IL1RAPL2: variants seen among roughly 807,000 people sequenced by gnomAD.
IL1RAPL2 encodes the protein interleukin 1 receptor accessory protein like 2, also known as X-linked interleukin-1 receptor accessory protein-like 2.
In IL1RAPL2, 3 loss-of-function variants were observed where a neutral mutation model predicts 44.1. The ratio of observed to expected loss-of-function variants is 0.07; its 90% CI spans 0.03 to 0.18. The LOEUF (loss-of-function observed/expected upper bound fraction) is 0.18. Ranked by LOEUF, IL1RAPL2 falls within the 10% of genes least tolerant of loss-of-function variation. IL1RAPL2 has a pLI of 1.00. For missense variants in IL1RAPL2, 391 were observed against 496.4 expected (o/e 0.79, Z 2.02); for synonymous variants, 181 against 178.8 (o/e 1.01, Z -0.10).
At chrX:105,435,977 AGCAAACCACCGTG>A (rs1394847778) in intron 5 of IL1RAPL2, among the ~76,000 whole-genome samples, 4 of 111,096 alleles carry the variant, frequency 3.6e-5, no homozygotes, top group African/African-American at 1.3e-4. Context: ...TGATAGGTGC[AGCAAACCACCGTG>A]GCACATGTAT....
intron 2 of IL1RAPL2, among the ~76,000 whole-genome samples, chrX:105,129,802 A>G (rs2033010183): frequency 1.8e-5 from 2 of 110,607 alleles, no homozygotes; most frequent in African/African-American, 3.3e-5. Flanking sequence ...AGCCCAGTTC[A>G]TTAAAGCTTG....
At position 104,656,797 on chromosome X, in the gene IL1RAPL2, T is replaced by G. The variant is rs890475945; in HGVS notation, c.-19-2098T>G. On this transcript the variant is annotated intron_variant, in intron 1 of 10. Coordinates refer to ENST00000372582, the MANE Select transcript of IL1RAPL2 (RefSeq NM_017416.2). The stretch of plus-strand genomic sequence containing the variant: ...GGGTGTTAAAGTCTCCCATTATTAT[T>G]GCATGGCAGTCTACGTCTCTTTGTA... Among the ~76,000 whole-genome samples the G allele has an allele frequency of 2.7e-5, 3 of 111,672 alleles. No homozygotes were observed. The Admixed American group carries it at 2.9e-4, about 11-fold the overall frequency.
chrX:105,046,086 A>T (rs2031833417), intron 2 of IL1RAPL2, among the ~76,000 whole-genome samples: 1 of 111,233 alleles, frequency 9.0e-6, no homozygotes, highest in Non-Finnish European at 1.9e-5. Context: ...ATCCTCATAG[A>T]CTTCCTAGTA....
intron 2 of IL1RAPL2, among the ~76,000 whole-genome samples, chrX:104,749,760 T>C (rs190988414): frequency 1.2e-4 from 13 of 111,954 alleles, no homozygotes; most frequent in African/African-American, 4.2e-4. Context: ...AAGTAGTTCC[T>C]GCCTTTGATG....
At chrX:105,573,707 A>G (rs2037031196) in intron 6 of IL1RAPL2, among the ~76,000 whole-genome samples, 1 of 110,995 alleles carries the variant, frequency 9.0e-6, no homozygotes, top group South Asian at 3.8e-4. Context: ...GGGAAATAAG[A>G]TTGGTTCAGT....
intron 2 of IL1RAPL2, among the ~76,000 whole-genome samples, chrX:104,949,926 C>G (rs368276836): frequency 9.0e-6 from 1 of 111,057 alleles, no homozygotes; most frequent in Non-Finnish European, 1.9e-5. Flanking sequence ...CTGTAGATGT[C>G]TATTAGGTCT....
intron 2 of IL1RAPL2, among the ~76,000 whole-genome samples, chrX:104,780,199 G>GAA (rs754588624): frequency 7.4e-4 from 83 of 111,462 alleles, no homozygotes; most frequent in African/African-American, 2.6e-3. Flanking sequence ...CAAATCCTAA[G>GAA]AAAAACAGTA....
chrX:105,250,824 A>G (rs2034263054), intron 4 of IL1RAPL2, among the ~76,000 whole-genome samples: 1 of 111,191 alleles, frequency 9.0e-6, no homozygotes, highest in Non-Finnish European at 1.9e-5. Context: ...ATGAGTTGCT[A>G]TCATTTACTA....
chrX:105,547,898 C>G (rs1307033631), intron 6 of IL1RAPL2, among the ~76,000 whole-genome samples: 1 of 112,383 alleles, frequency 8.9e-6, no homozygotes, highest in Non-Finnish European at 1.9e-5. Flanking sequence ...ACAATGCATG[C>G]AAGGATAGGG....
rs1267727749 is a variant in IL1RAPL2 at position 105,040,278 on chromosome X, A to T, written c.83-155197A>T. 5.4e-5 allele frequency among the ~76,000 whole-genome samples: 6 copies of T among 111,272 alleles called. No homozygotes were observed. The East Asian group carries it at 1.4e-3, about 26-fold the overall frequency. On this transcript the variant is annotated intron_variant, in intron 2 of 10. Coordinates refer to ENST00000372582, the MANE Select transcript of IL1RAPL2 (RefSeq NM_017416.2). The stretch of plus-strand genomic sequence containing the variant: ...CTTTTTGATGTGCTGCTGGATTCGG[A>T]TTGCCAGTATTTTACTGAGGATTTT...
At chrX:104,899,956 C>T (rs1238346343) in intron 2 of IL1RAPL2, among the ~76,000 whole-genome samples, 1 of 112,265 alleles carries the variant, frequency 8.9e-6, no homozygotes, top group African/African-American at 3.2e-5. Context: ...TGTGAGAAAG[C>T]CCACCTGAAA....
intron 2 of IL1RAPL2, among the ~76,000 whole-genome samples, chrX:104,854,650 G>T (rs935010783): frequency 5.6e-5 from 6 of 107,660 alleles, no homozygotes; most frequent in South Asian, 4.0e-4. Context: ...ACAAGAGAAA[G>T]AATTTTTTTT....
At chrX:105,259,031 T>C (rs766813245) in intron 4 of IL1RAPL2, among the ~76,000 whole-genome samples, 1 of 111,968 alleles carries the variant, frequency 8.9e-6, no homozygotes, top group African/African-American at 3.2e-5. Flanking sequence ...AGTTCTTGCG[T>C]TGGTTCTTTC....
intron 6 of IL1RAPL2, among the ~76,000 whole-genome samples, chrX:105,521,592 G>A (rs751664567): frequency 2.2e-4 from 24 of 110,700 alleles, no homozygotes; most frequent in African/African-American, 7.7e-4. Context: ...ATGTTTCATG[G>A]GAGGGACCTG....
At chrX:105,229,065 G>C (rs781849188) in intron 3 of IL1RAPL2, among the ~76,000 whole-genome samples, 2 of 111,864 alleles carry the variant, frequency 1.8e-5, no homozygotes, top group South Asian at 7.6e-4. Flanking sequence ...ATGTGAAGTA[G>C]GGAGAGAAAA....
chrX:105,545,770 G>A (rs1022907009), intron 6 of IL1RAPL2, among the ~76,000 whole-genome samples: 1 of 111,306 alleles, frequency 9.0e-6, no homozygotes, highest in South Asian at 3.7e-4. Flanking sequence ...ATATCTAGAT[G>A]TGGATTCCTT....
rs1012660850 is a variant in IL1RAPL2 at position 105,380,265 on chromosome X, T to C, written c.698-104048T>C. ...ATATTCTTTTCAGCTTGGGAGAACA[T>C]AGAGAAAAATAAAATGCTCCTTTGT... is the stretch of plus-strand genomic sequence containing the variant. On this transcript the variant is annotated intron_variant, in intron 5 of 10. Transcript: ENST00000372582. Among the ~76,000 whole-genome samples the C allele has an allele frequency of 6.3e-5, 7 of 111,360 alleles. No homozygotes were observed. The East Asian group carries it at 1.7e-3, about 27-fold the overall frequency.
chrX:105,020,852 A>G (rs1001997035), intron 2 of IL1RAPL2, among the ~76,000 whole-genome samples: 4 of 112,004 alleles, frequency 3.6e-5, no homozygotes, highest in Non-Finnish European at 7.5e-5. Context: ...GACACCTCTT[A>G]TATAATGTAT....
At position 105,518,850 on chromosome X, in the gene IL1RAPL2, A is replaced by G. The variant is rs764715241; in HGVS notation, c.772+34463A>G. Among the ~76,000 whole-genome samples the G allele has an allele frequency of 2.7e-5, 3 of 111,829 alleles. No homozygotes were observed. In the South Asian group the frequency reaches 1.1e-3, roughly 42 times the overall value. Reference sequence around the variant, plus strand: ...TCCACTGGCTTATATTTTTATCTAAATTCTTGAATGGGAGAGAAAGGTTAG... The same window carrying G: ...TCCACTGGCTTATATTTTTATCTAAGTTCTTGAATGGGAGAGAAAGGTTAG... On this transcript the variant is annotated intron_variant, in intron 6 of 10. Coordinates refer to ENST00000372582, the MANE Select transcript of IL1RAPL2 (RefSeq NM_017416.2).
Sources: gnomAD v4.1 joint callset for allele counts (sites outside exome capture counted in the v4.1 genomes callset) on GRCh38, gnomAD v4.1.1 for gene constraint, MANE v1.5 for transcripts, NCBI Gene and HGNC (gene_info 2026-07-23, HGNC 2026-07-21) for gene names.